COL19A1: variants seen among roughly 807,000 people sequenced by gnomAD.
COL19A1 encodes collagen type XIX alpha 1 chain, also known as collagen alpha-1(XIX) chain.
Under a neutral mutation model 190.2 loss-of-function variants are expected in COL19A1, and 159 were observed. That is an observed-to-expected ratio of 0.84 (90% CI 0.73 to 0.95). The LOEUF (loss-of-function observed/expected upper bound fraction) is 0.95. Among genes scored for constraint, COL19A1 ranks in the 40% least tolerant of loss-of-function variants. COL19A1 has a pLI of 0.00. For missense variants in COL19A1, 1,418 were observed against 1,431.9 expected (o/e 0.99, Z 0.16); for synonymous variants, 509 against 458.9 (o/e 1.11, Z -1.39).
intron 4 of COL19A1, among the ~76,000 whole-genome samples, chr6:69,913,947 A>C (rs1771124867): frequency 6.6e-6 from 1 of 151,930 alleles, no homozygotes; most frequent in Non-Finnish European, 1.5e-5. Context: ...GGTTGGGTTT[A>C]ATCCAGGGTT....
intron 4 of COL19A1, among the ~76,000 whole-genome samples, chr6:69,916,447 T>G (rs1053568687): frequency 1.1e-4 from 17 of 152,252 alleles, no homozygotes; most frequent in African/African-American, 4.1e-4. Flanking sequence ...TTTCATCTTG[T>G]TTAGCATGGC....
At chr6:70,030,010 T>G (rs1778959241) in intron 12 of COL19A1, among the ~76,000 whole-genome samples, 2 of 152,196 alleles carry the variant, frequency 1.3e-5, no homozygotes, top group Non-Finnish European at 2.9e-5. Flanking sequence ...TACCCATGAT[T>G]ATACATAAAA....
At chr6:70,060,188 A>G (rs993424959) in intron 14 of COL19A1, among the ~76,000 whole-genome samples, 4 of 152,210 alleles carry the variant, frequency 2.6e-5, no homozygotes, top group Admixed American at 6.6e-5. Flanking sequence ...AAGTTCTCCA[A>G]TGTGGTAATT....
At chr6:70,063,927 G>A (rs1314309599) in intron 14 of COL19A1, among the ~76,000 whole-genome samples, 1 of 152,092 alleles carries the variant, frequency 6.6e-6, no homozygotes, top group East Asian at 1.9e-4. Context: ...ACTAAACCAG[G>A]AAGAAGTTGA....
At chr6:69,975,500 G>T (rs1472338159) in intron 11 of COL19A1, among the ~76,000 whole-genome samples, 11 of 152,186 alleles carry the variant, frequency 7.2e-5, no homozygotes, top group Non-Finnish European at 1.0e-4. Context: ...CATGTTTAGA[G>T]CTAGAGTGAA....
At chr6:69,875,336 T>G (rs1768071550) in intron 1 of COL19A1, among the ~76,000 whole-genome samples, 1 of 152,196 alleles carries the variant, frequency 6.6e-6, no homozygotes, top group Non-Finnish European at 1.5e-5. Context: ...GCTTTTGGAC[T>G]ACATTCAAAG....
intron 14 of COL19A1, among the ~76,000 whole-genome samples, chr6:70,056,594 T>G (rs1299518545): frequency 3.3e-5 from 5 of 152,154 alleles, no homozygotes; most frequent in African/African-American, 1.2e-4. Flanking sequence ...AAGCACTTGA[T>G]GTTTAGACAT....
chr6:69,971,254 C>A (rs890503020), intron 11 of COL19A1, among the ~76,000 whole-genome samples: 1 of 151,964 alleles, frequency 6.6e-6, no homozygotes, highest in Admixed American at 6.6e-5. Flanking sequence ...TATATAAATA[C>A]GTAATATTTT....
intron 1 of COL19A1, among the ~76,000 whole-genome samples, chr6:69,871,809 ATTTTTTTTTTT>A (rs556851857): frequency 1.8e-5 from 2 of 110,392 alleles, no homozygotes; most frequent in Admixed American, 1.0e-4. Flanking sequence ...CAAGTCCACC[ATTTTTTTTTTT>A]TTTTTTTTTT....
rs931779893 is a variant in COL19A1, at chr6:70,207,551, G to A, written c.*277G>A. ...ATGAAATATGCAAGTAAATCTTATC[G>A]TTAGTTCTTCTTCAAAAGGAAATTG... On this transcript the variant is annotated 3_prime_UTR_variant, in exon 51 of 51. Coordinates refer to ENST00000620364, the MANE Select transcript of COL19A1 (RefSeq NM_001858.6). The A allele has an allele frequency of 1.5e-5, 3 of 204,088 alleles. No homozygotes were observed. Among genetic ancestry groups the A allele is most frequent in the East Asian group, 1.1e-4 (1 of 9,230 alleles). The allele number at this position is 204,088 out of a possible 1,614,324, so 12.6% of individuals were successfully genotyped here.
intron 1 of COL19A1, among the ~76,000 whole-genome samples, chr6:69,867,007 T>C (rs1767490325): frequency 6.6e-6 from 1 of 151,590 alleles, no homozygotes; most frequent in African/African-American, 2.4e-5. Context: ...CTGATGCGGG[T>C]AGGGACAGAC....
chr6:70,129,190 C>T (rs1040006074), intron 17 of COL19A1, among the ~76,000 whole-genome samples: 4 of 152,148 alleles, frequency 2.6e-5, no homozygotes, highest in Admixed American at 6.5e-5. Context: ...CACTAACTAC[C>T]CTTTTGAGAA....
At chr6:70,027,423 T>A (rs1778785683) in intron 12 of COL19A1, among the ~76,000 whole-genome samples, 1 of 152,198 alleles carries the variant, frequency 6.6e-6, no homozygotes. Context: ...CAGTTCTTTT[T>A]CAAGTCAGAC....
intron 4 of COL19A1, among the ~76,000 whole-genome samples, chr6:69,920,182 G>A (rs1771599237): frequency 6.6e-6 from 1 of 152,170 alleles, no homozygotes; most frequent in Admixed American, 6.5e-5. Flanking sequence ...ACATTTTAAT[G>A]TTAAGATTTT....
At chr6:69,921,538 AT>A (rs1472608184) in intron 4 of COL19A1, among the ~76,000 whole-genome samples, 5 of 141,800 alleles carry the variant, frequency 3.5e-5, no homozygotes, top group African/African-American at 1.3e-4. Context: ...ATTCATGTAT[AT>A]TCATATATAT....
chr6:69,997,026 T>TATATATATATATAGAG (rs576813975), intron 11 of COL19A1, among the ~76,000 whole-genome samples: 13 of 146,898 alleles, frequency 8.8e-5, no homozygotes, highest in African/African-American at 3.4e-4. Context: ...TATATATATA[T>TATATATATATATAGAG]AGAGAGAGAG....
chr6:69,977,424 G>C (rs957700177), intron 11 of COL19A1, among the ~76,000 whole-genome samples: 1 of 124,096 alleles, frequency 8.1e-6, no homozygotes, highest in African/African-American at 2.9e-5. Context: ...GGGGTGGGGG[G>C]AGGGGGGAGG....
intron 47 of COL19A1, among the ~76,000 whole-genome samples, chr6:70,188,932 T>C (rs930635347): frequency 6.6e-6 from 1 of 152,170 alleles, no homozygotes; most frequent in East Asian, 1.9e-4. Flanking sequence ...AAAGCAAAAC[T>C]GAGCATTCAT....
At chr6:69,929,727 A>G (rs758003473) in intron 6 of COL19A1, 27 bp downstream of exon 6, 2 of 1,557,600 alleles carry the variant, frequency 1.3e-6, no homozygotes, top group Non-Finnish European at 8.6e-7. Context: ...GTTGTGAAAG[A>G]GAACTAAAAT....
Sources: gnomAD v4.1 joint callset for allele counts (sites outside exome capture counted in the v4.1 genomes callset) on GRCh38, gnomAD v4.1.1 for gene constraint, MANE v1.5 for transcripts, NCBI Gene and HGNC (gene_info 2026-07-23, HGNC 2026-07-21) for gene names.